Variants in PARD3 observed in about 807,000 individuals in gnomAD.
PARD3 encodes partitioning defective 3 homolog.
In PARD3, 75 loss-of-function variants were observed where a neutral mutation model predicts 155.4. That is an observed-to-expected ratio of 0.48 (90% CI 0.40 to 0.58). PARD3 has a LOEUF of 0.58. Ranked by LOEUF, PARD3 falls within the 20% of genes least tolerant of loss-of-function variation. The pLI is 0.00. For synonymous variants in PARD3, 576 were observed against 610.5 expected, an observed-to-expected ratio of 0.94 and a Z score of 0.83; for missense variants, 1,642 against 1,721.7, an observed-to-expected ratio of 0.95 and a Z score of 0.82.
At chr10:34,176,066 A>G (rs1240908120) in intron 22 of PARD3, among the ~76,000 whole-genome samples, 1 of 152,158 alleles carries the variant, frequency 6.6e-6, no homozygotes, top group Non-Finnish European at 1.5e-5. Flanking sequence ...TTTATTTCAT[A>G]TTTTTGAACT....
At chr10:34,327,751 G>A (rs1266491049) in intron 19 of PARD3, among the ~76,000 whole-genome samples, 1 of 152,134 alleles carries the variant, frequency 6.6e-6, no homozygotes, top group East Asian at 1.9e-4. Flanking sequence ...CTGCCTAGAC[G>A]AGGGTCCTCT....
chr10:34,609,199 T>A (rs1454052761), intron 2 of PARD3, among the ~76,000 whole-genome samples: 2 of 152,222 alleles, frequency 1.3e-5, no homozygotes, highest in African/African-American at 2.4e-5. Context: ...AAATTTAGAA[T>A]CCCCAGGTAC....
intron 14 of PARD3, among the ~76,000 whole-genome samples, 155 bp downstream of exon 14, chr10:34,358,992 C>T (rs1373243107): frequency 6.6e-6 from 1 of 152,184 alleles, no homozygotes; most frequent in African/African-American, 2.4e-5. Flanking sequence ...ACACAAACCA[C>T]AATCCACCTA....
At chr10:34,201,058 C>T (rs1459948503) in intron 22 of PARD3, among the ~76,000 whole-genome samples, 4 of 152,180 alleles carry the variant, frequency 2.6e-5, no homozygotes, top group African/African-American at 9.7e-5. Context: ...TATCTGTTTA[C>T]AGGGAGGCCT....
intron 3 of PARD3, among the ~76,000 whole-genome samples, chr10:34,509,270 C>T (rs1004964387): frequency 6.6e-6 from 1 of 152,054 alleles, no homozygotes; most frequent in Admixed American, 6.6e-5. Flanking sequence ...CCGAGAGATA[C>T]ATTTTAAGGT....
At chr10:34,571,398 T>C (rs1338096053) in intron 2 of PARD3, among the ~76,000 whole-genome samples, 1 of 152,224 alleles carries the variant, frequency 6.6e-6, no homozygotes, top group Admixed American at 6.5e-5. Flanking sequence ...CTTCTTCTTA[T>C]GCTGCTGATG....
At chr10:34,298,305 T>C (rs912621837) in intron 20 of PARD3, among the ~76,000 whole-genome samples, 2 of 152,130 alleles carry the variant, frequency 1.3e-5, no homozygotes, top group Admixed American at 6.5e-5. Flanking sequence ...TAGAAACACA[T>C]GTTAAGACAC....
At position 34,765,389 on chromosome 10, in the gene PARD3, C is replaced by A. The variant is rs76410575; in HGVS notation, c.120+49487G>T. ...AGAGCATTTCTTCTTAAGATTTGGG[C>A]TTCTTCGGCCAGGTGCAGTGGCTCA... On this transcript the variant is annotated intron_variant, in intron 1 of 24. Coordinates refer to ENST00000374788, the MANE Select transcript of PARD3 (RefSeq NM_001184785.2). Among the ~76,000 whole-genome samples, 16 of 152,124 alleles carry A rather than the reference C, an allele frequency of 1.1e-4. No homozygotes were observed. The East Asian group carries it at 2.9e-3, about 28-fold the overall frequency.
chr10:34,611,976 G>A (rs1255960787), intron 2 of PARD3, among the ~76,000 whole-genome samples: 14 of 98,426 alleles, frequency 1.4e-4, no homozygotes, highest in Admixed American at 7.9e-4. Flanking sequence ...ACAGGCACCC[G>A]CCACCACGCC....
chr10:34,618,231 C>T (rs2091396721), intron 2 of PARD3, among the ~76,000 whole-genome samples: 1 of 152,190 alleles, frequency 6.6e-6, no homozygotes, highest in Non-Finnish European at 1.5e-5. Context: ...CAATGACCTA[C>T]ACTCAATTAA....
chr10:34,413,140 T>C (rs534912330), intron 5 of PARD3, among the ~76,000 whole-genome samples: 14,294 of 113,698 alleles, frequency 0.13, 1,043 homozygotes, highest in African/African-American at 0.25. Context: ...ACTTCAGATA[T>C]ATATACACAC....
At chr10:34,233,069 G>GA (rs1417315849) in intron 22 of PARD3, among the ~76,000 whole-genome samples, 1 of 135,908 alleles carries the variant, frequency 7.4e-6, no homozygotes, top group Non-Finnish European at 1.5e-5. Context: ...CTGAACTGAG[G>GA]AAACAATTTG....
chr10:34,575,691 T>G (rs541518277), intron 2 of PARD3, among the ~76,000 whole-genome samples: 1 of 152,126 alleles, frequency 6.6e-6, no homozygotes, highest in East Asian at 1.9e-4. Context: ...AGGTCAGGAG[T>G]TCGAGACCAG....
At chr10:34,523,807 G>T (rs1174113802) in intron 2 of PARD3, among the ~76,000 whole-genome samples, 1 of 152,168 alleles carries the variant, frequency 6.6e-6, no homozygotes. Context: ...AAGTCAGGCT[G>T]TTCCATGATG....
At chr10:34,564,813 T>C (rs1340128534) in intron 2 of PARD3, among the ~76,000 whole-genome samples, 3 of 152,238 alleles carry the variant, frequency 2.0e-5, no homozygotes, top group Non-Finnish European at 4.4e-5. Context: ...ATGATCTGTC[T>C]ACAATTGCAA....
At chr10:34,453,430 C>A (rs565935610) in intron 4 of PARD3, among the ~76,000 whole-genome samples, 6 of 152,092 alleles carry the variant, frequency 3.9e-5, no homozygotes, top group African/African-American at 4.8e-5. Context: ...CATCATTCAC[C>A]TTTAAACCCA....
chr10:34,559,183 C>A (rs903510131), intron 2 of PARD3, among the ~76,000 whole-genome samples: 7 of 152,016 alleles, frequency 4.6e-5, no homozygotes, highest in Non-Finnish European at 1.0e-4. Context: ...TAGTTAATTG[C>A]GGACGTGTCT....
intron 4 of PARD3, among the ~76,000 whole-genome samples, chr10:34,454,008 G>A (rs1235900211): frequency 6.6e-6 from 1 of 152,186 alleles, no homozygotes; most frequent in Admixed American, 6.5e-5. Context: ...AATCAATGAT[G>A]AATCCATATA....
intron 2 of PARD3, among the ~76,000 whole-genome samples, chr10:34,587,635 G>A (rs2088215301): frequency 6.6e-6 from 1 of 152,096 alleles, no homozygotes; most frequent in Non-Finnish European, 1.5e-5. Context: ...CTGTGGTGTT[G>A]GTGGTGATAT....
Sources: gnomAD v4.1 joint callset for allele counts (sites outside exome capture counted in the v4.1 genomes callset) on GRCh38, gnomAD v4.1.1 for gene constraint, MANE v1.5 for transcripts, NCBI Gene and HGNC (gene_info 2026-07-23, HGNC 2026-07-21) for gene names.